R3HDM2: variants seen among roughly 807,000 people sequenced by gnomAD.
R3HDM2 encodes R3H domain containing 2, also known as R3H domain-containing protein 2.
In R3HDM2, 38 loss-of-function variants were observed where a neutral mutation model predicts 124.5. The ratio of observed to expected loss-of-function variants is 0.31; its 90% CI spans 0.24 to 0.40. The LOEUF (loss-of-function observed/expected upper bound fraction) is 0.40, where lower values mean the gene tolerates loss of function less well. R3HDM2 is among the 10% of genes least tolerant of loss of function. The probability of loss-of-function intolerance (pLI) is 1.00; values close to 1 mark genes in which losing one functional copy is unlikely to be tolerated. For missense variants in R3HDM2, 869 were observed against 1,236.9 expected (o/e 0.70, Z 4.46); for synonymous variants, 391 against 448.0 (o/e 0.87, Z 1.61).
chr12:57,430,140 T>C (rs1869383828), intron 1 of R3HDM2, among the ~76,000 whole-genome samples: 1 of 152,198 alleles, frequency 6.6e-6, no homozygotes, highest in African/African-American at 2.4e-5. Context: ...GTATTCCTGG[T>C]AGTTCCGAGA....
chr12:57,423,574 G>A (rs2070410861), intron 1 of R3HDM2, among the ~76,000 whole-genome samples: 1 of 152,014 alleles, frequency 6.6e-6, no homozygotes, highest in Non-Finnish European at 1.5e-5. Context: ...CACTTTGGGA[G>A]GCCGAGGCGG....
chr12:57,318,186 G>T (rs2055595504), intron 2 of R3HDM2, among the ~76,000 whole-genome samples: 1 of 151,832 alleles, frequency 6.6e-6, no homozygotes, highest in Non-Finnish European at 1.5e-5. Context: ...CAGCTACTTG[G>T]GGGGCTGAGG....
In R3HDM2 at chr12:57,260,263, C is replaced by CAAAAAAAAAAAAAA. The variant is rs566868060; in HGVS notation, c.2132-1218_2132-1205dup. On this transcript the variant is annotated intron_variant, in intron 19 of 23. Transcript: ENST00000402412. ...TGGGTGACAGAATGAGACCCTGCCT[C>CAAAAAAAAAAAAAA]AAAAAAAAAAAAAAAAAAAAAAGCC... Among the ~76,000 whole-genome samples the CAAAAAAAAAAAAAA allele has an allele frequency of 5.0e-3, 157 of 31,558 alleles. 32 individuals are homozygous for CAAAAAAAAAAAAAA. Among genetic ancestry groups the CAAAAAAAAAAAAAA allele is most frequent in the African/African-American group, 0.014 (116 of 8,118 alleles). 20.7% of individuals were successfully genotyped at this position (31,558 alleles called of 152,430 possible).
At chr12:57,358,957 A>C (rs965440233) in intron 2 of R3HDM2, among the ~76,000 whole-genome samples, 2 of 149,708 alleles carry the variant, frequency 1.3e-5, no homozygotes, top group Admixed American at 6.7e-5. Flanking sequence ...TCGCTCTGTC[A>C]CCCAGACTGG....
chr12:57,274,028 CAT>C (rs1478101543), intron 14 of R3HDM2, among the ~76,000 whole-genome samples: 1 of 152,198 alleles, frequency 6.6e-6, no homozygotes, highest in East Asian at 1.9e-4. Flanking sequence ...CAGACAATGG[CAT>C]TCCAAATATA....
intron 2 of R3HDM2, among the ~76,000 whole-genome samples, chr12:57,385,934 G>A (rs1327662530): frequency 2.0e-5 from 3 of 152,108 alleles, no homozygotes; most frequent in Non-Finnish European, 4.4e-5. Flanking sequence ...GCATTTTCCA[G>A]AAGATATATG....
Position 57,296,873 on chromosome 12 carries a change from G to A in R3HDM2, c.561-322C>T, listed in dbSNP as rs1278403379. Reference sequence around the variant, plus strand: ...GAGTTCAGGAGTTCAAGACCAGCCTGGTCAACATGGTGAAACCCCGTCTCT... The same window carrying A: ...GAGTTCAGGAGTTCAAGACCAGCCTAGTCAACATGGTGAAACCCCGTCTCT... On this transcript the variant is annotated intron_variant, in intron 8 of 23. Transcript: ENST00000402412. This position sits in a 1 kb window ranked among gnomAD's most constrained non-coding sequence, Gnocchi z 4.5. 1.6e-5 allele frequency: 4 copies of A among 244,272 alleles called. No individual in the cohort carries two copies. Among genetic ancestry groups the A allele is most frequent in the African/African-American group, 6.8e-5 (3 of 44,062 alleles). The allele number at this position is 244,272 out of a possible 1,614,324, so 15.1% of individuals were successfully genotyped here. A position where few individuals can be genotyped will look rare whatever the true frequency, so the allele number is the denominator to read the frequency against.
intron 1 of R3HDM2, among the ~76,000 whole-genome samples, chr12:57,409,775 G>A (rs1167154054): frequency 6.6e-6 from 1 of 151,968 alleles, no homozygotes; most frequent in East Asian, 1.9e-4. Flanking sequence ...TAAGCTAAAG[G>A]AAAACAAAAA....
chr12:57,348,681 G>A (rs1248936761), intron 2 of R3HDM2, among the ~76,000 whole-genome samples: 8 of 113,972 alleles, frequency 7.0e-5, no homozygotes, highest in South Asian at 2.9e-4. Context: ...GCGACAGAGC[G>A]AGACTCCGTC....
intron 2 of R3HDM2, among the ~76,000 whole-genome samples, chr12:57,312,628 T>C (rs1359068793): frequency 6.6e-6 from 1 of 152,092 alleles, no homozygotes; most frequent in East Asian, 1.9e-4. Context: ...CCCAACACTT[T>C]GGGAAGCCGA....
chr12:57,405,651 AC>A (rs2068462592), intron 1 of R3HDM2, among the ~76,000 whole-genome samples: 1 of 152,156 alleles, frequency 6.6e-6, no homozygotes, highest in African/African-American at 2.4e-5. Flanking sequence ...AGACAGACCA[AC>A]CTACAGTCCA....
chr12:57,259,118 C>A, intron 19 of R3HDM2, 59 bp from the exon 20 acceptor site: 1 of 1,566,774 alleles, frequency 6.4e-7, no homozygotes, highest in Non-Finnish European at 8.7e-7. Context: ...TGCCTTCCAA[C>A]TAGCCCTGAG....
chr12:57,281,970 G>A (rs1441158121), intron 13 of R3HDM2, among the ~76,000 whole-genome samples: 1 of 152,204 alleles, frequency 6.6e-6, no homozygotes, highest in African/African-American at 2.4e-5. Context: ...GTTGAAGAAT[G>A]ACAGATGCTT....
At position 57,260,613 on chromosome 12, in the gene R3HDM2, T is replaced by C. The variant is rs369469220; in HGVS notation, c.2132-1554A>G. Among the ~76,000 whole-genome samples the C allele has an allele frequency of 2.6e-5, 4 of 152,066 alleles. No homozygotes were observed. In the East Asian group the frequency reaches 5.8e-4, roughly 22 times the overall value. ...CGCAAGGGATTGTCTAGAGTGAGGGTTTATTCCTGACCTCCCAGGCTATAT... is the reference window on the plus strand; with the variant it reads ...CGCAAGGGATTGTCTAGAGTGAGGGCTTATTCCTGACCTCCCAGGCTATAT... On this transcript the variant is annotated intron_variant, in intron 19 of 23. Coordinates refer to ENST00000402412, the MANE Select transcript of R3HDM2 (RefSeq NM_001394031.1).
chr12:57,300,265 G>C, intron 4 of R3HDM2, 84 bp from the exon 5 acceptor site: 1 of 1,233,202 alleles, frequency 8.1e-7, no homozygotes, highest in Non-Finnish European at 1.1e-6. Flanking sequence ...AAAGCTTTTG[G>C]CTGAATGAAA....
Position 57,418,322 on chromosome 12 carries a change from T to A in R3HDM2, c.-106+12398A>T, listed in dbSNP as rs979064775. On this transcript the variant is annotated intron_variant, in intron 1 of 23. Coordinates refer to ENST00000402412, the MANE Select transcript of R3HDM2 (RefSeq NM_001394031.1). ...ATTCTCATTACTTCTGCGCAGAACA[T>A]TTAGTTAACGGGGCAAGGCCTCCAG... The A allele has an allele frequency of 2.3e-5, 23 of 985,416 alleles. No homozygotes were observed. In the African/African-American group the frequency reaches 3.8e-4, roughly 16 times the overall value. The allele number at this position is 985,416 out of a possible 1,614,324, so 61.0% of individuals were successfully genotyped here.
intron 18 of R3HDM2, among the ~76,000 whole-genome samples, chr12:57,267,842 G>A (rs1043279649): frequency 2.6e-5 from 4 of 152,180 alleles, no homozygotes; most frequent in Non-Finnish European, 4.4e-5. Flanking sequence ...GAGTGGACTA[G>A]ATGATTTCTA....
chr12:57,430,489 G>GGCCCCCCCCCCCCC, intron 1 of R3HDM2: 2 of 790,572 alleles, frequency 2.5e-6, no homozygotes, highest in Non-Finnish European at 3.1e-6. Flanking sequence ...CCACCCCCCT[G>GGCCCCCCCCCCCCC]CCCCCGCACC....
chr12:57,406,357 C>G (rs1231510003), intron 1 of R3HDM2, among the ~76,000 whole-genome samples: 1 of 146,440 alleles, frequency 6.8e-6, no homozygotes, highest in Non-Finnish European at 1.5e-5. Context: ...TTGGCTTAAA[C>G]ACATTAAATA....
Sources: allele counts gnomAD v4.1 joint callset (sites outside exome capture counted in the v4.1 genomes callset), GRCh38; gene constraint gnomAD v4.1.1; non-coding constraint Gnocchi (gnomAD v3.1); transcripts MANE v1.5; gene names NCBI Gene and HGNC (gene_info 2026-07-23, HGNC 2026-07-21).